The following PXN variants were observed in gnomAD, a reference collection of about 807,000 sequenced individuals.
PXN encodes the protein paxillin, also known as testicular tissue protein Li 134.
Under a neutral mutation model 103.6 loss-of-function variants are expected in PXN, and 61 were observed. That is an observed-to-expected ratio of 0.59 (90% CI 0.48 to 0.73). PXN has a LOEUF of 0.73. Among genes scored for constraint, PXN ranks in the 30% least tolerant of loss-of-function variants. The pLI, the probability that PXN is intolerant of heterozygous loss-of-function variation, is 0.00. For missense variants in PXN, 1,274 were observed against 1,460.3 expected (o/e 0.87, Z 2.08); for synonymous variants, 562 against 607.8 (o/e 0.92, Z 1.11).
rs530159876 is a variant in PXN at position 120,229,540 on chromosome 12, G to A, written c.14-5163C>T. On this transcript the variant is annotated intron_variant, in intron 1 of 14. Coordinates refer to ENST00000637617, the MANE Select transcript of PXN (RefSeq NM_001385981.1). The surrounding 1 kb of genome is among the most constrained non-coding windows in gnomAD (Gnocchi z 4.0). Reference sequence around the variant, plus strand: ...AATGGCTGAACTGCTCGGATAGGCTGCTTAACTGCTTTTGTGCCTCAGTTT... The same window carrying A: ...AATGGCTGAACTGCTCGGATAGGCTACTTAACTGCTTTTGTGCCTCAGTTT... Among the ~76,000 whole-genome samples, 1 of 152,300 alleles carries A rather than the reference G, an allele frequency of 6.6e-6. No homozygotes were observed. Among genetic ancestry groups the A allele is most frequent in the Admixed American group, 6.5e-5 (1 of 15,304 alleles).
chr12:120,219,699 G>C lies in PXN; in HGVS notation c.1224C>G (p.Ser408Arg). 1.3e-6 allele frequency: 2 copies of C among 1,593,884 alleles called. No individual in the cohort carries two copies. The highest frequency in any genetic ancestry group is 1.7e-6 in the Non-Finnish European group (2 of 1,177,852). ...PRCHTVPCAG[S>R]TALQEPGEPQ... ...GCTCCCCAGGCTCTTGGAGAGCTGTGCTCCCAGCACAGGGTACAGTGTGGC... is the reference window on the plus strand; with the variant it reads ...GCTCCCCAGGCTCTTGGAGAGCTGTCCTCCCAGCACAGGGTACAGTGTGGC... The change falls in exon 7 of 15, where the codon AGC becomes AGG. Residue 408 changes from serine (S) to arginine (R), a missense_variant. Physicochemically the swap from Ser to Arg is moderately radical, Grantham distance 110 (BLOSUM62 -1). This residue lies in a region of PXN where 1,178 missense variants were observed against 1,309.0 expected (regional missense o/e 0.90). Coordinates refer to ENST00000637617, the MANE Select transcript of PXN (RefSeq NM_001385981.1). This position sits in a 1 kb window ranked among gnomAD's most constrained non-coding sequence, Gnocchi z 6.5.
In PXN at chr12:120,215,659, G is replaced by T; in HGVS notation, c.2304C>A (p.Ile768=). ...DEDPLFPPMQ[I]QGLEQRADGE... ...CATCCGCTCTTTGCTCCAGGCCCTG[G>T]ATCTTAGATAGGGGAAGAGATGAGG... Residue 768 remains isoleucine (I), a splice_region_variant and synonymous_variant, in exon 10 of 15, where the codon ATC becomes ATA. Transcript: ENST00000637617. The surrounding 1 kb of genome is among the most constrained non-coding windows in gnomAD (Gnocchi z 4.9). 3 of 1,605,224 alleles carry T rather than the reference G, an allele frequency of 1.9e-6. No individual in the cohort carries two copies. The highest frequency in any genetic ancestry group is 1.3e-5 in the African/African-American group (1 of 74,452).
intron 1 of PXN, among the ~76,000 whole-genome samples, chr12:120,262,406 GCCC>G (rs1276648751): frequency 6.6e-6 from 1 of 152,144 alleles, no homozygotes; most frequent in East Asian, 1.9e-4. Context: ...TACTCAGCAG[GCCC>G]CAAGGCTCAT....
intron 1 of PXN, among the ~76,000 whole-genome samples, chr12:120,237,867 C>G (rs1201810026): frequency 6.6e-6 from 1 of 152,134 alleles, no homozygotes; most frequent in Admixed American, 6.5e-5. Flanking sequence ...ACAGAAGCTC[C>G]AAGTCTCGTC....
Position 120,224,992 on chromosome 12 carries a change from C to T in PXN, c.14-615G>A, listed in dbSNP as rs890597931. The T allele has an allele frequency of 1.2e-5, 4 of 336,852 alleles. No individual in the cohort carries two copies. The highest frequency in any genetic ancestry group is 3.8e-5 in the Admixed American group (1 of 26,040). 20.9% of individuals were successfully genotyped at this position (336,852 alleles called of 1,614,324 possible). A position where few individuals can be genotyped will look rare whatever the true frequency, so the allele number is the denominator to read the frequency against. On this transcript the variant is annotated intron_variant, in intron 1 of 14. Coordinates refer to ENST00000637617, the MANE Select transcript of PXN (RefSeq NM_001385981.1). The surrounding 1 kb of genome is among the most constrained non-coding windows in gnomAD (Gnocchi z 5.0). The stretch of plus-strand genomic sequence containing the variant: ...GAGGCTGGTGCAGCGGTCCCCACCC[C>T]CTCAGTGAGCAGGGGGCAAGACTGC...
Position 120,229,132 on chromosome 12 carries a change from A to G in PXN, c.14-4755T>C, listed in dbSNP as rs924856734. Among the ~76,000 whole-genome samples, 3 of 152,194 alleles carry G rather than the reference A, an allele frequency of 2.0e-5. No individual in the cohort carries two copies. The highest frequency in any genetic ancestry group is 7.2e-5 in the African/African-American group (3 of 41,446). ...CCACCTAGGGGCTCCGGGTGGAAGG[A>G]AACCTGGGTCCCCTTGTACCTACAA... On this transcript the variant is annotated intron_variant, in intron 1 of 14. Transcript: ENST00000637617. The surrounding 1 kb of genome is among the most constrained non-coding windows in gnomAD (Gnocchi z 4.0).
chr12:120,222,425 A>G lies in PXN; in HGVS notation c.695+124T>C. On this transcript the variant is annotated intron_variant, in intron 5 of 14. Coordinates refer to ENST00000637617, the MANE Select transcript of PXN (RefSeq NM_001385981.1). The surrounding 1 kb of genome is among the most constrained non-coding windows in gnomAD (Gnocchi z 4.7). ...CCATGTGACTCACCACTATCCCCCCAGTGCCTGGCAAATGGCAGACACGGG... is the reference window on the plus strand; with the variant it reads ...CCATGTGACTCACCACTATCCCCCCGGTGCCTGGCAAATGGCAGACACGGG... 9.1e-7 allele frequency: 1 copy of G among 1,099,436 alleles called. No individual in the cohort carries two copies. Among genetic ancestry groups the G allele is most frequent in the Non-Finnish European group, 1.3e-6 (1 of 783,106 alleles). The allele number at this position is 1,099,436 out of a possible 1,614,324, so 68.1% of individuals were successfully genotyped here. A position where few individuals can be genotyped will look rare whatever the true frequency, so the allele number is the denominator to read the frequency against.
rs539846274 is a variant in PXN, at chr12:120,243,810, G to A, written c.14-19433C>T. 2.0e-5 allele frequency among the ~76,000 whole-genome samples: 3 copies of A among 152,288 alleles called. No individual in the cohort carries two copies. In the East Asian group the frequency reaches 5.8e-4, roughly 29 times the overall value. Reference sequence around the variant, plus strand: ...TTCCTTTGAGTTCCCAAAGCACTGTGCACTTCTCCTATGAGAACACCTCAA... The same window carrying A: ...TTCCTTTGAGTTCCCAAAGCACTGTACACTTCTCCTATGAGAACACCTCAA... On this transcript the variant is annotated intron_variant, in intron 1 of 14. Coordinates refer to ENST00000637617, the MANE Select transcript of PXN (RefSeq NM_001385981.1).
At chr12:120,254,952 G>C (rs572751238) in intron 1 of PXN, among the ~76,000 whole-genome samples, 2 of 151,986 alleles carry the variant, frequency 1.3e-5, no homozygotes, top group Non-Finnish European at 2.9e-5. Flanking sequence ...AGAGAAGAGA[G>C]GGGGCGCTAA....
rs952841123 is a variant in PXN at position 120,216,014 on chromosome 12, G to A, written c.2301+259C>T. 3.7e-6 allele frequency: 5 copies of A among 1,349,386 alleles called. No homozygotes were observed. The highest frequency in any genetic ancestry group is 3.2e-5 in the Admixed American group (1 of 31,108). 83.6% of individuals were successfully genotyped at this position (1,349,386 alleles called of 1,614,324 possible). On this transcript the variant is annotated intron_variant, in intron 9 of 14. Transcript: ENST00000637617. This position sits in a 1 kb window ranked among gnomAD's most constrained non-coding sequence, Gnocchi z 5.1. The stretch of plus-strand genomic sequence containing the variant: ...TGGCTTCTTTCCTCGATGGGAGCCC[G>A]GGGCAGTACTGAGGACCAGTCGAGG...
intron 1 of PXN, among the ~76,000 whole-genome samples, chr12:120,251,626 G>T (rs200467857): frequency 6.6e-6 from 1 of 152,034 alleles, no homozygotes; most frequent in East Asian, 1.9e-4. Flanking sequence ...AGACCAGCCT[G>T]GCCAACATGG....
chr12:120,259,732 A>G (rs1224032745), intron 1 of PXN, among the ~76,000 whole-genome samples: 2 of 152,134 alleles, frequency 1.3e-5, no homozygotes, highest in Non-Finnish European at 2.9e-5. Flanking sequence ...GAGACTCCCA[A>G]CAAGACCCAG....
rs1466944396 is a variant in PXN at position 120,225,925 on chromosome 12, G to A, written c.14-1548C>T. ...CACACCTACCCCATGCTCCTGCCCA[G>A]ATGGACAGAGGGGATGTCTGTTCCA... On this transcript the variant is annotated intron_variant, in intron 1 of 14. Transcript: ENST00000637617. This position sits in a 1 kb window ranked among gnomAD's most constrained non-coding sequence, Gnocchi z 4.4. 2.6e-6 allele frequency: 1 copy of A among 378,716 alleles called. No individual in the cohort carries two copies. The highest frequency in any genetic ancestry group is 3.9e-6 in the Non-Finnish European group (1 of 258,832). The allele number at this position is 378,716 out of a possible 1,614,324, so 23.5% of individuals were successfully genotyped here. A position where few individuals can be genotyped will look rare whatever the true frequency, so the allele number is the denominator to read the frequency against.
intron 1 of PXN, among the ~76,000 whole-genome samples, chr12:120,264,515 C>G (rs1193241924): frequency 5.3e-5 from 8 of 152,212 alleles, no homozygotes; most frequent in Non-Finnish European, 4.4e-5. Context: ...TTCCTAGAAC[C>G]CTGGCACCAA....
In PXN at chr12:120,224,620, G is replaced by C; in HGVS notation, c.14-243C>G. 1 of 684,956 alleles carries C rather than the reference G, an allele frequency of 1.5e-6. No homozygotes were observed. The highest frequency in any genetic ancestry group is 2.7e-6 in the Non-Finnish European group (1 of 374,112). 42.4% of individuals were successfully genotyped at this position (684,956 alleles called of 1,614,324 possible). A position where few individuals can be genotyped will look rare whatever the true frequency, so the allele number is the denominator to read the frequency against. On this transcript the variant is annotated intron_variant, in intron 1 of 14. Transcript: ENST00000637617. The surrounding 1 kb of genome is among the most constrained non-coding windows in gnomAD (Gnocchi z 5.0). ...AAAGTGCTCTAGAGGCGGGCTCTGG[G>C]GCTGCCCTGTGGGATCTCCTACCTC...
rs1046212256 is a variant in PXN at position 120,240,499 on chromosome 12, G to C, written c.14-16122C>G. ...CAAGATCTGGGCTAAAAAGCTGAGA[G>C]GCTTTGCAGGACCCAACCAAAACAG... is the stretch of plus-strand genomic sequence containing the variant. On this transcript the variant is annotated intron_variant, in intron 1 of 14. Coordinates refer to ENST00000637617, the MANE Select transcript of PXN (RefSeq NM_001385981.1). Among the ~76,000 whole-genome samples the C allele has an allele frequency of 1.8e-4, 27 of 152,288 alleles. 1 individual carries two copies. The highest frequency in any genetic ancestry group is 1.7e-3 in the East Asian group (9 of 5,178).
rs1881525954 is a variant in PXN at position 120,214,057 on chromosome 12, A to C, written c.2831-67T>G. 6.3e-7 allele frequency: 1 copy of C among 1,584,188 alleles called. No individual in the cohort carries two copies. The highest frequency in any genetic ancestry group is 1.3e-5 in the African/African-American group (1 of 74,318). On this transcript the variant is annotated intron_variant, in intron 13 of 14. Transcript: ENST00000637617. The surrounding 1 kb of genome is among the most constrained non-coding windows in gnomAD (Gnocchi z 5.0). ...CCAGAAGTGGAGCCACTCTGACTCC[A>C]ACCTCAGCAGCGTCTCCCACCCCCA... is the stretch of plus-strand genomic sequence containing the variant.
chr12:120,258,695 C>T (rs1172600304), intron 1 of PXN, among the ~76,000 whole-genome samples: 1 of 152,200 alleles, frequency 6.6e-6, no homozygotes, highest in African/African-American at 2.4e-5. Flanking sequence ...TGTTTTACCA[C>T]TTTGTGTAAA....
intron 3 of PXN, 73 bp from the exon 4 acceptor site, chr12:120,223,072 T>C (rs1015485228): frequency 6.2e-7 from 1 of 1,609,504 alleles, no homozygotes; most frequent in Admixed American, 1.7e-5. Context: ...GTTCCCAGAT[T>C]CCCAAGGAGA....
Sources: gnomAD v4.1 joint callset for allele counts (sites outside exome capture counted in the v4.1 genomes callset) on GRCh38, gnomAD v4.1.1 for gene constraint, gnomAD v4.1.1 regional missense constraint, Gnocchi (gnomAD v3.1) non-coding constraint, MANE v1.5 for transcripts, NCBI Gene and HGNC (gene_info 2026-07-23, HGNC 2026-07-21) for gene names.